Variants in PARD3B observed in about 807,000 individuals in gnomAD.
PARD3B encodes par-3 family cell polarity regulator beta, also known as partitioning defective 3 homolog B.
PARD3B carries 103 observed loss-of-function variants against 130.2 expected under a neutral mutation model. That is an observed-to-expected ratio of 0.79 (90% CI 0.67 to 0.93). PARD3B has a LOEUF of 0.93. Among genes scored for constraint, PARD3B ranks in the 40% least tolerant of loss-of-function variants. The probability of loss-of-function intolerance (pLI) is 0.00; values close to 1 mark genes in which losing one functional copy is unlikely to be tolerated. For missense variants in PARD3B, 1,609 were observed against 1,499.2 expected, an observed-to-expected ratio of 1.07 and a Z score of -1.21; for synonymous variants, 583 against 553.2, an observed-to-expected ratio of 1.05 and a Z score of -0.76.
rs1279856523 is a variant in PARD3B at position 204,799,960 on chromosome 2, C to T, written c.222+113678C>T. 6.6e-6 allele frequency among the ~76,000 whole-genome samples: 1 copy of T among 152,188 alleles called. No homozygotes were observed. The highest frequency in any genetic ancestry group is 1.5e-5 in the Non-Finnish European group (1 of 68,042). ...AGGCTACAATAAATACCTAACTCTA[C>T]AATGCCCTGACACTGATGAACATCC... On this transcript the variant is annotated intron_variant, in intron 2 of 22. Coordinates refer to ENST00000406610, the MANE Select transcript of PARD3B (RefSeq NM_001302769.2). The surrounding 1 kb of genome is among the most constrained non-coding windows in gnomAD (Gnocchi z 4.1).
At position 205,615,479 on chromosome 2, in the gene PARD3B, A is replaced by G; in HGVS notation, c.3284A>G (p.Asp1095Gly). 6.2e-7 allele frequency: 1 copy of G among 1,609,256 alleles called. No individual in the cohort carries two copies. Among genetic ancestry groups the G allele is most frequent in the Non-Finnish European group, 8.5e-7 (1 of 1,177,396 alleles). ...LPRGGPADPV[D>G]YLPAAPRGLY... ...AGGGGAGGACCCGCAGATCCTGTAG[A>G]CTATCTGCCAGCAGCACCTCGGGGG... The change falls in exon 23 of 23, where the codon GAC becomes GGC. Residue 1095 changes from aspartate (D) to glycine (G), a missense_variant. Physicochemically the swap from Asp to Gly is moderately conservative, Grantham distance 94. Coordinates refer to ENST00000406610, the MANE Select transcript of PARD3B (RefSeq NM_001302769.2).
intron 2 of PARD3B, among the ~76,000 whole-genome samples, chr2:204,816,647 GT>G (rs1366424529): frequency 6.6e-6 from 1 of 151,448 alleles, no homozygotes; most frequent in African/African-American, 2.4e-5. Context: ...AAAAATGTCT[GT>G]TTTTCCTGGC....
rs764725666 is a variant in PARD3B at position 205,525,793 on chromosome 2, T to C, written c.3180+25762T>C. 1.3e-5 allele frequency among the ~76,000 whole-genome samples: 2 copies of C among 152,296 alleles called. No individual in the cohort carries two copies. Among genetic ancestry groups the C allele is most frequent in the Middle Eastern group, 6.8e-3 (2 of 294 alleles). On this transcript the variant is annotated intron_variant, in intron 21 of 22. Coordinates refer to ENST00000406610, the MANE Select transcript of PARD3B (RefSeq NM_001302769.2). This position sits in a 1 kb window ranked among gnomAD's most constrained non-coding sequence, Gnocchi z 4.2. ...AGAATCTCGACAAAGGGCCTGACTC[T>C]CTCCCCTTCCAGCCCCTTCGCTACA...
intron 2 of PARD3B, among the ~76,000 whole-genome samples, chr2:204,714,645 A>G (rs921938228): frequency 5.9e-5 from 9 of 152,200 alleles, no homozygotes; most frequent in African/African-American, 2.2e-4. Flanking sequence ...TACAGCGAGA[A>G]TATGCACATA....
intron 1 of PARD3B, among the ~76,000 whole-genome samples, chr2:204,684,947 CA>C (rs1350405600): frequency 2.0e-5 from 3 of 152,110 alleles, no homozygotes; most frequent in African/African-American, 7.2e-5. Flanking sequence ...ATCACTTTAC[CA>C]AGTTGTATTA....
chr2:205,375,924 A>G (rs1157819141), intron 18 of PARD3B, among the ~76,000 whole-genome samples: 1 of 152,188 alleles, frequency 6.6e-6, no homozygotes, highest in Admixed American at 6.5e-5. Context: ...CATTTCAAGA[A>G]GTATAGAATG....
At chr2:204,607,804 T>C (rs2033781839) in intron 1 of PARD3B, among the ~76,000 whole-genome samples, 1 of 152,188 alleles carries the variant, frequency 6.6e-6, no homozygotes, top group African/African-American at 2.4e-5. Context: ...AGGGATTCAC[T>C]GTAAATAGGT....
chr2:205,430,180 C>T (rs2047281451), intron 19 of PARD3B, among the ~76,000 whole-genome samples: 2 of 152,176 alleles, frequency 1.3e-5, no homozygotes, highest in Non-Finnish European at 2.9e-5. Flanking sequence ...GCCTGCAGAA[C>T]TCACTTATAT....
intron 10 of PARD3B, among the ~76,000 whole-genome samples, chr2:205,126,787 A>AT: frequency 6.8e-6 from 1 of 147,134 alleles, no homozygotes; most frequent in Non-Finnish European, 1.5e-5. Flanking sequence ...AAAAAAAAAA[A>AT]TTGATAATAG....
intron 21 of PARD3B, among the ~76,000 whole-genome samples, chr2:205,543,251 C>A (rs529491345): frequency 6.6e-6 from 1 of 152,056 alleles, no homozygotes; most frequent in Admixed American, 6.5e-5. Context: ...GAAAAAAAAA[C>A]TGTACATAAA....
intron 5 of PARD3B, among the ~76,000 whole-genome samples, chr2:205,107,171 A>T (rs550655130): frequency 3.3e-5 from 5 of 152,220 alleles, no homozygotes; most frequent in African/African-American, 1.2e-4. Flanking sequence ...CTACACCATT[A>T]TAATAACCTA....
intron 21 of PARD3B, among the ~76,000 whole-genome samples, chr2:205,522,121 T>G (rs1435360016): frequency 6.6e-6 from 1 of 151,698 alleles, no homozygotes; most frequent in Non-Finnish European, 1.5e-5. Flanking sequence ...AATTATTTTT[T>G]GTTTTCATTT....
At chr2:204,946,668 C>T (rs1689350218) in intron 2 of PARD3B, among the ~76,000 whole-genome samples, 1 of 152,100 alleles carries the variant, frequency 6.6e-6, no homozygotes, top group Non-Finnish European at 1.5e-5. Context: ...TAGGCTTGTG[C>T]ATGTGTACAT....
chr2:204,795,988 C>G (rs1049889339), intron 2 of PARD3B, among the ~76,000 whole-genome samples: 9 of 152,132 alleles, frequency 5.9e-5, no homozygotes. Context: ...TTCCTAATCA[C>G]TCTACATGTT....
chr2:204,700,220 C>T (rs992832194), intron 2 of PARD3B, among the ~76,000 whole-genome samples: 3 of 151,934 alleles, frequency 2.0e-5, no homozygotes, highest in African/African-American at 2.4e-5. Flanking sequence ...CCTCTTTTTC[C>T]AAAACAAATA....
intron 2 of PARD3B, among the ~76,000 whole-genome samples, chr2:204,726,837 C>T (rs1006897826): frequency 6.6e-6 from 1 of 152,162 alleles, no homozygotes; most frequent in African/African-American, 2.4e-5. Flanking sequence ...CTCATCTGAG[C>T]CTGTAAACAT....
intron 2 of PARD3B, among the ~76,000 whole-genome samples, chr2:204,747,366 A>C (rs2040281889): frequency 6.6e-6 from 1 of 152,146 alleles, no homozygotes; most frequent in South Asian, 2.1e-4. Context: ...TAGGAATCCA[A>C]CTTACAAGGG....
At chr2:204,904,223 A>T (rs1475435008) in intron 2 of PARD3B, among the ~76,000 whole-genome samples, 3 of 152,198 alleles carry the variant, frequency 2.0e-5, no homozygotes, top group Admixed American at 2.0e-4. Context: ...ATAATCCAGG[A>T]TGGTTTCAGT....
At chr2:205,195,609 C>G (rs534372431) in intron 15 of PARD3B, among the ~76,000 whole-genome samples, 1 of 152,126 alleles carries the variant, frequency 6.6e-6, no homozygotes, top group African/African-American at 2.4e-5. Context: ...ATAGACTATT[C>G]GTTTTCCATT....
Sources: allele counts gnomAD v4.1 joint callset (sites outside exome capture counted in the v4.1 genomes callset), GRCh38; gene constraint gnomAD v4.1.1; non-coding constraint Gnocchi (gnomAD v3.1); transcripts MANE v1.5; gene names NCBI Gene and HGNC (gene_info 2026-07-23, HGNC 2026-07-21).